ADH4: variants seen among roughly 807,000 people sequenced by gnomAD.
ADH4 encodes all-trans-retinol dehydrogenase [NAD(+)] ADH4.
ADH4 carries 31 observed loss-of-function variants against 35.2 expected under a neutral mutation model. That is an observed-to-expected ratio of 0.88 (90% CI 0.66 to 1.19). The LOEUF is 1.19. Ranked by LOEUF, ADH4 falls within the 50% of genes most tolerant of loss-of-function variation. ADH4 has a pLI of 0.00. For missense variants in ADH4, 476 were observed against 458.3 expected, an observed-to-expected ratio of 1.04 and a Z score of -0.35; for synonymous variants, 171 against 160.2, an observed-to-expected ratio of 1.07 and a Z score of -0.51.
chr4:99,143,786 C>A (rs1258574014), intron 1 of ADH4, among the ~76,000 whole-genome samples: 4 of 152,076 alleles, frequency 2.6e-5, no homozygotes, highest in African/African-American at 9.7e-5. Flanking sequence ...AAGCTCATCA[C>A]CCACTTTATG....
intron 4 of ADH4, among the ~76,000 whole-genome samples, chr4:99,137,848 C>A (rs1729495179): frequency 6.6e-6 from 1 of 152,094 alleles, no homozygotes; most frequent in South Asian, 2.1e-4. Context: ...AAAACATTAC[C>A]ATATATCTCT....
rs29001213 is a variant in ADH4, at chr4:99,130,689, A to G, written c.843+815T>C. On this transcript the variant is annotated intron_variant, in intron 6 of 8. Transcript: ENST00000265512. ...CTAACTTTTAGGTCAGTGGTTCTCA[A>G]CTTGAGAAATTAATTTTTAAAATGT... Among the ~76,000 whole-genome samples, 283 of 152,290 alleles carry G rather than the reference A, an allele frequency of 1.9e-3. 1 individual carries two copies. The highest frequency in any genetic ancestry group is 6.7e-3 in the African/African-American group (277 of 41,570).
intron 6 of ADH4, among the ~76,000 whole-genome samples, chr4:99,131,211 A>C (rs542923467): frequency 6.6e-6 from 1 of 152,342 alleles, no homozygotes; most frequent in African/African-American, 2.4e-5. Flanking sequence ...AGCTTTTTAA[A>C]GGGATCTCAA....
At chr4:99,136,822 A>C (rs1358370303) in intron 4 of ADH4, 125 bp from the exon 5 acceptor site, 2 of 653,196 alleles carry the variant, frequency 3.1e-6, no homozygotes, top group Non-Finnish European at 5.1e-6. Flanking sequence ...AGACAGAAAA[A>C]TTAGGGAAAC....
intron 1 of ADH4, chr4:99,142,992 A>C: frequency 3.1e-6 from 2 of 655,156 alleles, no homozygotes; most frequent in Non-Finnish European, 5.4e-6. Flanking sequence ...TCTACATTAT[A>C]GTCATTACAT....
intron 8 of ADH4, among the ~76,000 whole-genome samples, chr4:99,124,979 T>C (rs1023993783): frequency 1.3e-5 from 2 of 152,200 alleles, no homozygotes; most frequent in African/African-American, 4.8e-5. Context: ...CTGCTGGAAC[T>C]GTGGAACCCC....
At chr4:99,124,963 A>G (rs1242294422) in intron 8 of ADH4, among the ~76,000 whole-genome samples, 1 of 152,190 alleles carries the variant, frequency 6.6e-6, no homozygotes. Flanking sequence ...TTTATCTCAA[A>G]CATTACTGCT....
rs1016378591 is a variant in ADH4, at chr4:99,144,153, A to G, written c.18+52T>C. 18 of 1,604,214 alleles carry G rather than the reference A, an allele frequency of 1.1e-5. No individual in the cohort carries two copies. The South Asian group carries it at 1.7e-4, about 15-fold the overall frequency. The stretch of plus-strand genomic sequence containing the variant: ...AAGGAAGCTCCTTTTAGCCAAACAT[A>G]CAAGGACACAGAAAAGCACAAACTG... On this transcript the variant is annotated intron_variant, in intron 1 of 8. Transcript: ENST00000265512.
rs936683195 is a variant in ADH4 at position 99,123,983 on chromosome 4, CA to C, written c.*458del. 3 of 160,756 alleles carry C rather than the reference CA, an allele frequency of 1.9e-5. No homozygotes were observed. Among genetic ancestry groups the C allele is most frequent in the Non-Finnish European group, 2.7e-5 (2 of 74,556 alleles). 10.0% of individuals were successfully genotyped at this position (160,756 alleles called of 1,614,324 possible). ...CTCTCTGCCGACTCCCTGCCCTCAACAGGCCCCAGTGTGTGTTGTTCCCCAT... is the reference window on the plus strand; with the variant it reads ...CTCTCTGCCGACTCCCTGCCCTCAACGGCCCCAGTGTGTGTTGTTCCCCAT... On this transcript the variant is annotated 3_prime_UTR_variant, in exon 9 of 9. Transcript: ENST00000265512.
At chr4:99,127,809 G>A (rs979235087) in intron 6 of ADH4, among the ~76,000 whole-genome samples, 8 of 150,140 alleles carry the variant, frequency 5.3e-5, no homozygotes, top group African/African-American at 2.0e-4. Flanking sequence ...TGCAGCCTGG[G>A]TCACAGAGTG....
chr4:99,140,153 C>T (rs1560780945), intron 3 of ADH4, among the ~76,000 whole-genome samples: 1 of 152,150 alleles, frequency 6.6e-6, no homozygotes, highest in African/African-American at 2.4e-5. Context: ...CTTCAGCTAA[C>T]GTTGACATAT....
chr4:99,131,392 T>C (rs1729266287), intron 6 of ADH4, 112 bp downstream of exon 6: 12 of 1,199,066 alleles, frequency 1.0e-5, no homozygotes, highest in Non-Finnish European at 1.4e-5. Flanking sequence ...TCTACCACCC[T>C]GTCATCCATT....
chr4:99,141,759 T>G (rs1278617078), intron 2 of ADH4, 77 bp from the exon 3 acceptor site: 1 of 1,378,664 alleles, frequency 7.3e-7, no homozygotes, highest in South Asian at 1.6e-5. Flanking sequence ...AAGATTAGGC[T>G]TGATATCATT....
Position 99,142,789 on chromosome 4 carries a change from G to A in ADH4, c.19-9C>T. 6.3e-7 allele frequency: 1 copy of A among 1,591,362 alleles called. No homozygotes were observed. Among genetic ancestry groups the A allele is most frequent in the South Asian group, 1.1e-5 (1 of 87,068 alleles). ...GCTTTGCATTTAATAACCTGAAAGA[G>A]AGAAAGAAAAGGAAGAGGGAGATAG... On this transcript the variant is annotated splice_polypyrimidine_tract_variant and intron_variant, in intron 1 of 8. Transcript: ENST00000265512.
Position 99,139,050 on chromosome 4 carries a change from A to C in ADH4, c.350+11T>G, listed in dbSNP as rs1400366617. On this transcript the variant is annotated intron_variant, in intron 4 of 8. Transcript: ENST00000265512. ...AAATTTATACTAATACTAACAGTGT[A>C]GAGTGCTTACCTGATTTTCCCACAC... 6.3e-7 allele frequency: 1 copy of C among 1,595,948 alleles called. No individual in the cohort carries two copies. The highest frequency in any genetic ancestry group is 1.3e-5 in the African/African-American group (1 of 74,484).
chr4:99,127,157 T>C (rs1289213607), intron 7 of ADH4, 52 bp downstream of exon 7: 1 of 1,476,992 alleles, frequency 6.8e-7, no homozygotes, highest in Non-Finnish European at 9.2e-7. Flanking sequence ...CTCTAAGAAT[T>C]TCAGAACTAC....
chr4:99,129,474 T>C (rs1729207386), intron 6 of ADH4, among the ~76,000 whole-genome samples: 1 of 152,220 alleles, frequency 6.6e-6, no homozygotes. Context: ...TCTAAGATTA[T>C]TCCCCTATGT....
chr4:99,123,660 G>C lies in ADH4; in HGVS notation c.*782C>G, dbSNP rs954602165. 1 of 151,848 alleles carries C rather than the reference G, an allele frequency of 6.6e-6. No homozygotes were observed. 9.4% of individuals were successfully genotyped at this position (151,848 alleles called of 1,614,324 possible). A position where few individuals can be genotyped will look rare whatever the true frequency, so the allele number is the denominator to read the frequency against. On this transcript the variant is annotated 3_prime_UTR_variant, in exon 9 of 9. Coordinates refer to ENST00000265512, the MANE Select transcript of ADH4 (RefSeq NM_000670.5). ...TGTAATAATCACATCATGTAATATGGGGTGTCCATCTCCTCAAGCATTTAT... is the reference window on the plus strand; with the variant it reads ...TGTAATAATCACATCATGTAATATGCGGTGTCCATCTCCTCAAGCATTTAT...
At chr4:99,136,170 C>G (rs1057482850) in intron 5 of ADH4, among the ~76,000 whole-genome samples, 3 of 152,074 alleles carry the variant, frequency 2.0e-5, no homozygotes, top group African/African-American at 7.2e-5. Flanking sequence ...TTTAAACAGG[C>G]TGTATTTAAA....
Sources: allele counts gnomAD v4.1 joint callset (sites outside exome capture counted in the v4.1 genomes callset), GRCh38; gene constraint gnomAD v4.1.1; transcripts MANE v1.5; gene names NCBI Gene and HGNC (gene_info 2026-07-23, HGNC 2026-07-21).